HYAL4: variants seen among roughly 807,000 people sequenced by gnomAD.
HYAL4 encodes hyaluronidase-4.
HYAL4 carries 37 observed loss-of-function variants against 35.2 expected under a neutral mutation model. The ratio of observed to expected loss-of-function variants is 1.05; its 90% CI spans 0.81 to 1.38. The LOEUF (loss-of-function observed/expected upper bound fraction) is 1.38. Among genes scored for constraint, HYAL4 ranks in the 40% most tolerant of loss-of-function variants. The pLI is 0.00. For synonymous variants in HYAL4, 198 were observed against 203.2 expected (o/e 0.97, Z 0.22); for missense variants, 572 against 572.4 (o/e 1.00, Z 0.01).
At chr7:123,815,215 A>G in the HYAL4 span, among the ~76,000 whole-genome samples, 1 of 152,222 alleles carries the variant, frequency 6.6e-6, no homozygotes, top group Admixed American at 6.5e-5. Flanking sequence ...ACTGACAATT[A>G]GATGTACACT....
chr7:123,816,089 C>G, the HYAL4 span, among the ~76,000 whole-genome samples: 1 of 152,014 alleles, frequency 6.6e-6, no homozygotes. Context: ...AATAAAAACC[C>G]TTTCTTATAC....
At chr7:123,861,106 G>A (rs1478990083) in intron 2 of HYAL4, among the ~76,000 whole-genome samples, 1 of 152,140 alleles carries the variant, frequency 6.6e-6, no homozygotes, top group African/African-American at 2.4e-5. Context: ...CTAGGATCTA[G>A]GGAACTGGGA....
At chr7:123,823,844 A>G in the HYAL4 span, among the ~76,000 whole-genome samples, 4 of 151,784 alleles carry the variant, frequency 2.6e-5, no homozygotes, top group Non-Finnish European at 5.9e-5. Flanking sequence ...TAACTCTATT[A>G]ATTTTCACAA....
the HYAL4 span, among the ~76,000 whole-genome samples, chr7:123,802,191 A>T: frequency 6.6e-6 from 1 of 152,200 alleles, no homozygotes; most frequent in South Asian, 2.1e-4. Context: ...CTGATATTAT[A>T]TAAAAAGGTT....
chr7:123,800,685 C>T, the HYAL4 span, among the ~76,000 whole-genome samples: 5 of 151,212 alleles, frequency 3.3e-5, no homozygotes, highest in African/African-American at 1.2e-4. Context: ...TAGACGCAGT[C>T]TAGCTCTGTC....
intron 2 of HYAL4, among the ~76,000 whole-genome samples, chr7:123,867,084 T>A (rs10245849): frequency 0.013 from 1,963 of 152,246 alleles, 41 homozygotes; most frequent in African/African-American, 0.044. Context: ...CCTGCCTGGC[T>A]CTATCTTCTC....
intron 3 of HYAL4, among the ~76,000 whole-genome samples, chr7:123,871,177 T>TAA (rs1424639242): frequency 1.3e-5 from 2 of 151,926 alleles, no homozygotes. Context: ...CTATTGACTT[T>TAA]AAAAATCTGC....
At chr7:123,769,242 T>C in the HYAL4 span, among the ~76,000 whole-genome samples, 1,201 of 152,270 alleles carry the variant, frequency 7.9e-3, 20 homozygotes, top group African/African-American at 0.028. Context: ...CTTGGGAAGA[T>C]GTAAAGATTA....
chr7:123,843,037 C>T (rs967375391), upstream of HYAL4, among the ~76,000 whole-genome samples: 50 of 152,060 alleles, frequency 3.3e-4, 2 homozygotes, highest in Middle Eastern at 3.4e-3. Flanking sequence ...TTGAGCCTGT[C>T]ATTATGATGT....
intron 2 of HYAL4, among the ~76,000 whole-genome samples, chr7:123,866,143 C>G (rs1291808652): frequency 2.0e-5 from 3 of 152,202 alleles, no homozygotes; most frequent in Non-Finnish European, 4.4e-5. Flanking sequence ...AACCATATCA[C>G]TTCTCTATAA....
the HYAL4 span, chr7:123,815,151 C>T: frequency 6.6e-6 from 1 of 152,504 alleles, no homozygotes; most frequent in African/African-American, 2.4e-5. Context: ...CAATGCTGTT[C>T]TCTTATTAAA....
chr7:123,817,508 TTC>T, the HYAL4 span, among the ~76,000 whole-genome samples: 159 of 120,084 alleles, frequency 1.3e-3, 1 homozygote, highest in Middle Eastern at 0.013. Flanking sequence ...TGCATTCTTC[TTC>T]TTTTTTTTTT....
At chr7:123,808,260 C>A in the HYAL4 span, among the ~76,000 whole-genome samples, 1 of 152,034 alleles carries the variant, frequency 6.6e-6, no homozygotes, top group East Asian at 1.9e-4. Flanking sequence ...AATGCTTTAT[C>A]ATAATGAACT....
the HYAL4 span, among the ~76,000 whole-genome samples, chr7:123,811,557 G>A: frequency 6.6e-6 from 1 of 152,048 alleles, no homozygotes; most frequent in Non-Finnish European, 1.5e-5. Flanking sequence ...AAATTTAAGA[G>A]ATTTTGTATA....
chr7:123,776,812 T>C, the HYAL4 span, among the ~76,000 whole-genome samples: 3 of 151,726 alleles, frequency 2.0e-5, no homozygotes, highest in African/African-American at 7.3e-5. Context: ...GCACAAAGAG[T>C]TGTGAGGTGC....
the HYAL4 span, among the ~76,000 whole-genome samples, chr7:123,823,729 T>TTA: frequency 3.6e-4 from 52 of 146,110 alleles, 1 homozygote; most frequent in East Asian, 4.9e-3. Context: ...CATATATATT[T>TTA]TATATATATA....
intron 2 of HYAL4, among the ~76,000 whole-genome samples, chr7:123,856,260 T>C (rs1393175539): frequency 6.6e-6 from 1 of 152,042 alleles, no homozygotes; most frequent in East Asian, 1.9e-4. Flanking sequence ...GAAGTTGTTA[T>C]ACTTTGGAGG....
chr7:123,821,284 G>A, the HYAL4 span, among the ~76,000 whole-genome samples: 1 of 152,074 alleles, frequency 6.6e-6, no homozygotes, highest in African/African-American at 2.4e-5. Context: ...AACAGGGTAT[G>A]GGGGTTCCCA....
intron 2 of HYAL4, among the ~76,000 whole-genome samples, chr7:123,864,289 G>C (rs1252825112): frequency 6.6e-6 from 1 of 152,130 alleles, no homozygotes; most frequent in Non-Finnish European, 1.5e-5. Context: ...CTTCACAGAA[G>C]TTTCCTTGTT....
Sources: gnomAD v4.1 joint callset for allele counts (sites outside exome capture counted in the v4.1 genomes callset) on GRCh38, gnomAD v4.1.1 for gene constraint, MANE v1.5 for transcripts, NCBI Gene and HGNC (gene_info 2026-07-23, HGNC 2026-07-21) for gene names.